Variants in INSYN2B observed in about 807,000 individuals in gnomAD.
INSYN2B encodes protein INSYN2B.
Under a neutral mutation model 41.2 loss-of-function variants are expected in INSYN2B, and 16 were observed. That is an observed-to-expected ratio of 0.39 (90% CI 0.26 to 0.59). The LOEUF is 0.59. Among genes scored for constraint, INSYN2B ranks in the 20% least tolerant of loss-of-function variants. The probability of loss-of-function intolerance (pLI) is 0.57; values close to 1 mark genes in which losing one functional copy is unlikely to be tolerated. For synonymous variants in INSYN2B, 245 were observed against 244.4 expected (o/e 1.00, Z -0.02); for missense variants, 608 against 646.4 (o/e 0.94, Z 0.64).
chr5:169,915,818 C>T (rs889429929), intron 1 of INSYN2B, among the ~76,000 whole-genome samples: 2 of 152,152 alleles, frequency 1.3e-5, no homozygotes, highest in African/African-American at 4.8e-5. Context: ...TGAGCTGGTA[C>T]ATAAATCTAA....
chr5:169,922,317 C>A (rs1775219166), intron 1 of INSYN2B, among the ~76,000 whole-genome samples: 1 of 152,100 alleles, frequency 6.6e-6, no homozygotes, highest in African/African-American at 2.4e-5. Context: ...TTATGCAGAA[C>A]CCCTGATAAT....
chr5:169,936,113 T>A (rs1404770590), intron 1 of INSYN2B, among the ~76,000 whole-genome samples: 2 of 152,124 alleles, frequency 1.3e-5, no homozygotes, highest in African/African-American at 4.8e-5. Context: ...TGTTAGAAAA[T>A]GTAACAAAAC....
chr5:169,978,490 CATG>C (rs915634026), intron 1 of INSYN2B, among the ~76,000 whole-genome samples: 8 of 149,832 alleles, frequency 5.3e-5, no homozygotes, highest in East Asian at 2.0e-4. Context: ...TTGTCAATAT[CATG>C]ATGATGATGA....
At chr5:169,900,640 T>G (rs1290694689) in intron 1 of INSYN2B, among the ~76,000 whole-genome samples, 2 of 152,180 alleles carry the variant, frequency 1.3e-5, no homozygotes, top group Admixed American at 6.5e-5. Context: ...TACTTCTAAT[T>G]AGAAGCTTCG....
intron 1 of INSYN2B, among the ~76,000 whole-genome samples, chr5:169,901,531 G>C (rs982654041): frequency 1.3e-5 from 2 of 152,102 alleles, no homozygotes; most frequent in Non-Finnish European, 2.9e-5. Flanking sequence ...TGGACTGGAT[G>C]GGGCAAAAGT....
chr5:169,872,254 A>C (rs1444628804), intron 3 of INSYN2B, among the ~76,000 whole-genome samples: 1 of 152,200 alleles, frequency 6.6e-6, no homozygotes, highest in African/African-American at 2.4e-5. Flanking sequence ...TAGCTGTAAG[A>C]ATCAATGGAT....
Position 169,883,706 on chromosome 5 carries a change from T to A in INSYN2B, c.193A>T (p.Met65Leu). 6.4e-7 allele frequency: 1 copy of A among 1,551,422 alleles called. No individual in the cohort carries two copies. Among genetic ancestry groups the A allele is most frequent in the African/African-American group, 1.4e-5 (1 of 73,146 alleles). The change falls in exon 2 of 4, where the codon ATG becomes TTG. Residue 65 changes from methionine to leucine, a missense_variant. Transcript: ENST00000377365. ...DVQTPEDPAV[M>L]GKTQATRHHL... is the part of the protein sequence containing the mutation. Reference sequence around the variant, plus strand: ...TGCCTGGTTGCTTGAGTCTTCCCCATCACAGCCGGGTCTTCTGGAGTTTGG... The same window carrying A: ...TGCCTGGTTGCTTGAGTCTTCCCCAACACAGCCGGGTCTTCTGGAGTTTGG...
At chr5:169,928,127 C>A (rs1249770458) in intron 1 of INSYN2B, among the ~76,000 whole-genome samples, 2 of 152,212 alleles carry the variant, frequency 1.3e-5, no homozygotes, top group African/African-American at 4.8e-5. Context: ...CAGGCCTTCC[C>A]AGCCAAACCC....
Position 169,936,344 on chromosome 5 carries a change from C to T in INSYN2B, c.-919+43933G>A, listed in dbSNP as rs576109423. Reference sequence around the variant, plus strand: ...GTTCCTAGGGCAAAACATTTTAGGACGGTTATTCCTCATCCTCAAACTCTG... The same window carrying T: ...GTTCCTAGGGCAAAACATTTTAGGATGGTTATTCCTCATCCTCAAACTCTG... On this transcript the variant is annotated intron_variant, in intron 1 of 3. Transcript: ENST00000377365. Among the ~76,000 whole-genome samples the T allele has an allele frequency of 3.9e-5, 6 of 152,180 alleles. No homozygotes were observed. In the South Asian group the frequency reaches 1.2e-3, roughly 32 times the overall value.
intron 1 of INSYN2B, among the ~76,000 whole-genome samples, chr5:169,918,954 T>C (rs1433072746): frequency 6.6e-6 from 1 of 152,096 alleles, no homozygotes; most frequent in Non-Finnish European, 1.5e-5. Context: ...GGGCCAGATA[T>C]ATGAGTATGT....
chr5:169,971,687 T>G (rs1242276586), intron 1 of INSYN2B, among the ~76,000 whole-genome samples: 1 of 152,206 alleles, frequency 6.6e-6, no homozygotes, highest in Non-Finnish European at 1.5e-5. Flanking sequence ...GGTAGCTTTC[T>G]TTAGTTCTCA....
At chr5:169,900,098 C>G (rs1026342828) in intron 1 of INSYN2B, among the ~76,000 whole-genome samples, 3 of 152,188 alleles carry the variant, frequency 2.0e-5, no homozygotes, top group African/African-American at 7.2e-5. Flanking sequence ...TAAGCACCCA[C>G]TATGTGCCAA....
At chr5:169,905,258 G>A (rs545784251) in intron 1 of INSYN2B, among the ~76,000 whole-genome samples, 10 of 150,740 alleles carry the variant, frequency 6.6e-5, no homozygotes, top group Non-Finnish European at 4.4e-5. Context: ...CCCAGTTGGT[G>A]AATGAAACCC....
intron 3 of INSYN2B, among the ~76,000 whole-genome samples, chr5:169,879,229 T>TGAGCG (rs1170169364): frequency 6.6e-6 from 1 of 152,212 alleles, no homozygotes; most frequent in Non-Finnish European, 1.5e-5. Flanking sequence ...TGACATGCAC[T>TGAGCG]GAGCGCATCC....
chr5:169,872,307 G>C (rs1020091079), intron 3 of INSYN2B, among the ~76,000 whole-genome samples: 3 of 152,196 alleles, frequency 2.0e-5, no homozygotes, highest in African/African-American at 7.2e-5. Flanking sequence ...GATAAATCAT[G>C]ACACTTTGGA....
rs558442732 is a variant in INSYN2B, at chr5:169,912,790, G to A, written c.-918-27974C>T. ...AAACATAGCAGGGTGGCAGCAGCAG[G>A]AGCAGCAGTATAACCAGAGTGTTGA... On this transcript the variant is annotated intron_variant, in intron 1 of 3. Coordinates refer to ENST00000377365, the MANE Select transcript of INSYN2B (RefSeq NM_001129891.3). Among the ~76,000 whole-genome samples, 23 of 152,236 alleles carry A rather than the reference G, an allele frequency of 1.5e-4. 2 individuals are homozygous for A. In the South Asian group the frequency reaches 4.8e-3, roughly 32 times the overall value.
intron 1 of INSYN2B, among the ~76,000 whole-genome samples, chr5:169,931,236 A>G (rs1775734895): frequency 6.6e-6 from 1 of 152,210 alleles, no homozygotes; most frequent in Admixed American, 6.5e-5. Context: ...GTGCATCCCA[A>G]AGACGACCAG....
In INSYN2B at chr5:169,944,297, C is replaced by T. The variant is rs1230924615; in HGVS notation, c.-919+35980G>A. Reference sequence around the variant, plus strand: ...CACAGAGGTGTCTGAAAGGTGATGACGGCAGTGTGGCCGGCACCTCAGAAC... The same window carrying T: ...CACAGAGGTGTCTGAAAGGTGATGATGGCAGTGTGGCCGGCACCTCAGAAC... On this transcript the variant is annotated intron_variant, in intron 1 of 3. Coordinates refer to ENST00000377365, the MANE Select transcript of INSYN2B (RefSeq NM_001129891.3). 2.6e-5 allele frequency among the ~76,000 whole-genome samples: 4 copies of T among 152,298 alleles called. 1 individual carries two copies. The highest frequency in any genetic ancestry group is 6.5e-5 in the Admixed American group (1 of 15,296).
chr5:169,881,240 T>G (rs958010872), intron 3 of INSYN2B, 128 bp downstream of exon 3: 1 of 740,006 alleles, frequency 1.4e-6, no homozygotes, highest in African/African-American at 1.8e-5. Flanking sequence ...AACCAGATGT[T>G]AACATTTCAT....
Sources: gnomAD v4.1 joint callset for allele counts (sites outside exome capture counted in the v4.1 genomes callset) on GRCh38, gnomAD v4.1.1 for gene constraint, MANE v1.5 for transcripts, NCBI Gene and HGNC (gene_info 2026-07-23, HGNC 2026-07-21) for gene names.